The following KAZN variants were observed in gnomAD, a reference collection of about 807,000 sequenced individuals.
KAZN encodes the protein kazrin.
A neutral mutation model predicts 87.4 loss-of-function variants in KAZN; 40 were observed. The observed-to-expected ratio is 0.46, with a 90% CI of 0.36 to 0.60. KAZN has a LOEUF of 0.60. Among genes scored for constraint, KAZN ranks in the 20% least tolerant of loss-of-function variants. KAZN has a pLI of 0.00. For synonymous variants in KAZN, 466 were observed against 458.3 expected (o/e 1.02, Z -0.22); for missense variants, 898 against 1,073.9 (o/e 0.84, Z 2.29).
intron 1 of KAZN, among the ~76,000 whole-genome samples, chr1:13,910,307 G>T (rs967346239): frequency 7.2e-5 from 11 of 152,064 alleles, no homozygotes; most frequent in Non-Finnish European, 1.3e-4. Context: ...AGGAGATCGA[G>T]ACCATCCTGG....
chr1:15,090,231 T>C (rs1318167756), intron 8 of KAZN, among the ~76,000 whole-genome samples: 2 of 152,242 alleles, frequency 1.3e-5, no homozygotes, highest in Non-Finnish European at 2.9e-5. Flanking sequence ...GGCCGTGTCT[T>C]GGAACTTTGG....
intron 1 of KAZN, among the ~76,000 whole-genome samples, chr1:14,895,512 C>T (rs1655170941): frequency 1.3e-5 from 2 of 152,232 alleles, no homozygotes; most frequent in East Asian, 3.9e-4. Flanking sequence ...CCCCTGGGAT[C>T]ACATCAGGGG....
intron 1 of KAZN, among the ~76,000 whole-genome samples, chr1:14,795,353 T>C (rs939641067): frequency 2.6e-5 from 4 of 152,050 alleles, no homozygotes; most frequent in African/African-American, 9.7e-5. Context: ...CACGGGGTCT[T>C]AGGGAGGTCT....
In KAZN at chr1:14,023,996, A is replaced by G. The variant is rs1640961689; in HGVS notation, c.91+130240A>G. 2.0e-5 allele frequency among the ~76,000 whole-genome samples: 3 copies of G among 152,178 alleles called. No individual in the cohort carries two copies. The South Asian group carries it at 6.2e-4, about 32-fold the overall frequency. On this transcript the variant is annotated intron_variant, in intron 1 of 16. Coordinates refer to the KAZN transcript ENST00000636203. ...AGTACACGGATCCCGAACTTCTTAC[A>G]CAGTAAAACCTTGTCCCACCCAAAG...
At chr1:14,585,539 AGT>A (rs1009856716) in intron 2 of KAZN, among the ~76,000 whole-genome samples, 12 of 152,176 alleles carry the variant, frequency 7.9e-5, no homozygotes, top group South Asian at 2.1e-4. Context: ...CAAGCCAAAG[AGT>A]GTGAACACAT....
At chr1:14,138,815 G>A (rs1049305520) in intron 1 of KAZN, among the ~76,000 whole-genome samples, 1 of 152,204 alleles carries the variant, frequency 6.6e-6, no homozygotes, top group African/African-American at 2.4e-5. Context: ...GCAAGGCTGT[G>A]TGTTTCTAAT....
intron 2 of KAZN, among the ~76,000 whole-genome samples, chr1:14,588,846 T>C (rs777241853): frequency 6.6e-6 from 1 of 152,252 alleles, no homozygotes; most frequent in Non-Finnish European, 1.5e-5. Flanking sequence ...GCTCAGTTTC[T>C]TTTCTTCTAG....
At chr1:14,208,412 A>G (rs1646786785) in intron 2 of KAZN, among the ~76,000 whole-genome samples, 1 of 152,166 alleles carries the variant, frequency 6.6e-6, no homozygotes, top group Non-Finnish European at 1.5e-5. Flanking sequence ...TGACTCATTC[A>G]TTCACTCGTT....
At chr1:14,930,167 A>T in intron 1 of KAZN, 2 of 778,308 alleles carry the variant, frequency 2.6e-6, no homozygotes, top group Non-Finnish European at 3.1e-6. Context: ...GACACTGGGG[A>T]CTGTTTTGGG....
chr1:14,377,848 T>C (rs1661039362), intron 2 of KAZN, among the ~76,000 whole-genome samples: 1 of 152,188 alleles, frequency 6.6e-6, no homozygotes, highest in Non-Finnish European at 1.5e-5. Context: ...CTACAGGTTT[T>C]AGCAACATCC....
rs969617766 is a variant in KAZN, at chr1:14,097,534, C to G, written c.92-82901C>G. On this transcript the variant is annotated intron_variant, in intron 1 of 16. Transcript: ENST00000636203. ...TTGCTCTGGTTCAAAGGATTTCTAT[C>G]TACCTGAAAGGCATTGTATTCGTAG... Among the ~76,000 whole-genome samples the G allele has an allele frequency of 2.0e-5, 3 of 152,144 alleles. No homozygotes were observed. In the East Asian group the frequency reaches 5.8e-4, roughly 29 times the overall value.
At chr1:14,144,069 A>G (rs1645295825) in intron 1 of KAZN, among the ~76,000 whole-genome samples, 1 of 152,168 alleles carries the variant, frequency 6.6e-6, no homozygotes, top group South Asian at 2.1e-4. Context: ...TCTCCTCTGT[A>G]GTTATAAATC....
chr1:14,361,096 C>A (rs890174735), intron 2 of KAZN, among the ~76,000 whole-genome samples: 4 of 152,220 alleles, frequency 2.6e-5, no homozygotes, highest in Non-Finnish European at 5.9e-5. Flanking sequence ...ATAGGCCCGA[C>A]TGGGGCTGCT....
intron 1 of KAZN, among the ~76,000 whole-genome samples, chr1:13,970,241 G>T (rs1444783730): frequency 6.6e-6 from 1 of 152,236 alleles, no homozygotes; most frequent in Admixed American, 6.5e-5. Flanking sequence ...ATATCTGTCA[G>T]TGAATGATTA....
chr1:13,898,471 A>C (rs896580810), intron 1 of KAZN, among the ~76,000 whole-genome samples: 1 of 152,262 alleles, frequency 6.6e-6, no homozygotes, highest in Non-Finnish European at 1.5e-5. Context: ...TCATGTGGGC[A>C]GAAAGCATTT....
intron 2 of KAZN, among the ~76,000 whole-genome samples, chr1:14,451,222 T>C (rs897199855): frequency 1.3e-5 from 2 of 152,102 alleles, no homozygotes; most frequent in Admixed American, 6.5e-5. Context: ...CTAACACAGT[T>C]GCTAAGTACC....
intron 4 of KAZN, among the ~76,000 whole-genome samples, chr1:15,047,613 A>G (rs1673712308): frequency 6.6e-6 from 1 of 152,156 alleles, no homozygotes. Context: ...TCAACTGAAA[A>G]TACAAAAATC....
At chr1:14,834,014 C>CAT (rs1647138585) in intron 1 of KAZN, among the ~76,000 whole-genome samples, 1 of 145,604 alleles carries the variant, frequency 6.9e-6, no homozygotes, top group African/African-American at 2.5e-5. Flanking sequence ...CACACATACA[C>CAT]ACACATACAT....
At chr1:14,964,521 CAA>C (rs1464061284) in intron 2 of KAZN, among the ~76,000 whole-genome samples, 1 of 152,120 alleles carries the variant, frequency 6.6e-6, no homozygotes. Context: ...TGGAATTCTA[CAA>C]AGTCATAAAT....
Sources: allele counts gnomAD v4.1 joint callset (sites outside exome capture counted in the v4.1 genomes callset), GRCh38; gene constraint gnomAD v4.1.1; transcripts MANE v1.5; gene names NCBI Gene and HGNC (gene_info 2026-07-23, HGNC 2026-07-21).